MAML3: variants seen among roughly 807,000 people sequenced by gnomAD.
MAML3 encodes mastermind like transcriptional coactivator 3.
MAML3 carries 27 observed loss-of-function variants against 101.9 expected under a neutral mutation model. The ratio of observed to expected loss-of-function variants is 0.27; its 90% CI spans 0.20 to 0.37. MAML3 has a LOEUF of 0.37. Among genes scored for constraint, MAML3 ranks in the 10% least tolerant of loss-of-function variants. The pLI is 1.00. For missense variants in MAML3, 1,316 were observed against 1,444.9 expected (o/e 0.91, Z 1.45); for synonymous variants, 501 against 555.9 (o/e 0.90, Z 1.39).
intron 2 of MAML3, among the ~76,000 whole-genome samples, chr4:139,743,723 T>G (rs1226298979): frequency 1.3e-5 from 2 of 152,170 alleles, no homozygotes; most frequent in Non-Finnish European, 2.9e-5. Flanking sequence ...AGGGGATAAT[T>G]TGTACTGAAG....
chr4:139,890,246 A>G lies in MAML3; in HGVS notation c.1190T>C (p.Val397Ala), dbSNP rs761082748. 3 of 1,613,766 alleles carry G rather than the reference A, an allele frequency of 1.9e-6. No individual in the cohort carries two copies. In the South Asian group the frequency reaches 3.3e-5, roughly 18 times the overall value. The stretch of plus-strand genomic sequence containing the variant: ...GTTTGGAGCTGCGGGAGTGCTGGCA[A>G]CAGAAGGTAAACTAGTGGCCGTGGA... ...TVSTATSLPS[V>A]ASTPAAPNPA... The change falls in exon 2 of 5, where the codon GTT (valine) becomes GCT (alanine). Residue 397 changes from valine (V) to alanine (A), a missense_variant. Coordinates refer to ENST00000509479, the MANE Select transcript of MAML3 (RefSeq NM_018717.5). This position sits in a 1 kb window ranked among gnomAD's most constrained non-coding sequence, Gnocchi z 4.1.
Position 140,082,872 on chromosome 4 carries a change from AG to A in MAML3, c.468+69987del, listed in dbSNP as rs1727883883. On this transcript the variant is annotated intron_variant, in intron 1 of 4. Coordinates refer to ENST00000509479, the MANE Select transcript of MAML3 (RefSeq NM_018717.5). The stretch of plus-strand genomic sequence containing the variant: ...AGTAGCCCTAAATTCAAAAAGAACC[AG>A]GGAAGGTTCTATTTACAAGTGAACT... Among the ~76,000 whole-genome samples the A allele has an allele frequency of 2.6e-5, 4 of 152,224 alleles. No homozygotes were observed. The South Asian group carries it at 8.3e-4, about 32-fold the overall frequency.
chr4:140,134,217 G>A (rs749485073), intron 1 of MAML3: 12 of 456,534 alleles, frequency 2.6e-5, no homozygotes, highest in South Asian at 7.7e-5. Flanking sequence ...TAGGAAGTAC[G>A]GGGAAAGTAA....
chr4:139,966,748 T>G (rs1314536271), intron 1 of MAML3, among the ~76,000 whole-genome samples: 1 of 152,186 alleles, frequency 6.6e-6, no homozygotes, highest in African/African-American at 2.4e-5. Flanking sequence ...ACAAATTTTT[T>G]TTACATCAAC....
intron 1 of MAML3, among the ~76,000 whole-genome samples, chr4:139,911,472 T>C (rs1173654049): frequency 1.3e-5 from 2 of 152,090 alleles, no homozygotes; most frequent in African/African-American, 2.4e-5. Context: ...CCCACTTCGG[T>C]CTCCCAAAGT....
chr4:139,790,928 A>AT (rs1560795286), intron 2 of MAML3, among the ~76,000 whole-genome samples: 1 of 152,174 alleles, frequency 6.6e-6, no homozygotes, highest in Non-Finnish European at 1.5e-5. Flanking sequence ...AAACCTGAAA[A>AT]TTTTTATAGT....
intron 2 of MAML3, among the ~76,000 whole-genome samples, chr4:139,775,811 T>G (rs937955281): frequency 1.8e-4 from 27 of 152,282 alleles, no homozygotes; most frequent in African/African-American, 5.5e-4. Flanking sequence ...TATTTTTCTT[T>G]CTGCTACACT....
chr4:140,071,412 T>C (rs1328596326), intron 1 of MAML3, among the ~76,000 whole-genome samples: 1 of 152,200 alleles, frequency 6.6e-6, no homozygotes, highest in Non-Finnish European at 1.5e-5. Flanking sequence ...CCCAGCTTTT[T>C]AATTTTACAG....
At chr4:140,038,134 G>A (rs994935791) in intron 1 of MAML3, among the ~76,000 whole-genome samples, 4 of 152,238 alleles carry the variant, frequency 2.6e-5, no homozygotes, top group African/African-American at 9.6e-5. Context: ...GAAGAAGAGA[G>A]TCAGAAAGAA....
chr4:139,775,788 T>A (rs982024638), intron 2 of MAML3, among the ~76,000 whole-genome samples: 1 of 152,210 alleles, frequency 6.6e-6, no homozygotes, highest in African/African-American at 2.4e-5. Flanking sequence ...ACGGTGGACA[T>A]CCTTTGCCAT....
intron 2 of MAML3, among the ~76,000 whole-genome samples, chr4:139,848,270 T>G (rs1230785058): frequency 6.6e-6 from 1 of 152,230 alleles, no homozygotes; most frequent in African/African-American, 2.4e-5. Context: ...AATGACAGCA[T>G]CGACGGCTGC....
chr4:140,151,714 C>A (rs957405233), intron 1 of MAML3, among the ~76,000 whole-genome samples: 2 of 149,094 alleles, frequency 1.3e-5, no homozygotes, highest in Non-Finnish European at 3.0e-5. Context: ...ACACACCTTT[C>A]CCAAGCTTCC....
chr4:140,054,960 T>A, intron 1 of MAML3, among the ~76,000 whole-genome samples: 1 of 152,240 alleles, frequency 6.6e-6, no homozygotes, highest in South Asian at 2.1e-4. Context: ...ATTTCTTAAC[T>A]TTTAGAACTG....
At chr4:139,949,220 T>C (rs577496274) in intron 1 of MAML3, among the ~76,000 whole-genome samples, 2 of 152,260 alleles carry the variant, frequency 1.3e-5, no homozygotes, top group South Asian at 4.1e-4. Flanking sequence ...TTTCACCATG[T>C]TGTCCAGGAT....
At chr4:139,827,217 G>A (rs1399302938) in intron 2 of MAML3, among the ~76,000 whole-genome samples, 3 of 152,166 alleles carry the variant, frequency 2.0e-5, no homozygotes, top group East Asian at 3.8e-4. Flanking sequence ...GACACCCAAA[G>A]AGTGACAGAA....
chr4:139,938,859 T>C (rs1733552101), intron 1 of MAML3, among the ~76,000 whole-genome samples: 1 of 152,234 alleles, frequency 6.6e-6, no homozygotes, highest in Non-Finnish European at 1.5e-5. Flanking sequence ...ACAATCACCT[T>C]TGAATATACA....
Position 140,028,986 on chromosome 4 carries a change from T to C in MAML3, c.468+123874A>G, listed in dbSNP as rs72712584. Among the ~76,000 whole-genome samples the C allele has an allele frequency of 1.8e-4, 27 of 152,326 alleles. No homozygotes were observed. In the South Asian group the frequency reaches 2.7e-3, roughly 15 times the overall value. On this transcript the variant is annotated intron_variant, in intron 1 of 4. Coordinates refer to ENST00000509479, the MANE Select transcript of MAML3 (RefSeq NM_018717.5). ...TCACTTTTAGACTGCGTCTGGTTTT[T>C]ACAATGATGTCCAGTCTTCGAGGTG...
At chr4:139,875,230 C>T (rs1357533660) in intron 2 of MAML3, among the ~76,000 whole-genome samples, 1 of 152,154 alleles carries the variant, frequency 6.6e-6, no homozygotes, top group Non-Finnish European at 1.5e-5. Flanking sequence ...AGCTGACTCC[C>T]GACCTCTACA....
chr4:139,951,978 C>T (rs1387937035), intron 1 of MAML3, among the ~76,000 whole-genome samples: 1 of 151,948 alleles, frequency 6.6e-6, no homozygotes, highest in Non-Finnish European at 1.5e-5. Context: ...AGCCTGGCCG[C>T]CATGGTGAAA....
Sources: allele counts gnomAD v4.1 joint callset (sites outside exome capture counted in the v4.1 genomes callset), GRCh38; gene constraint gnomAD v4.1.1; non-coding constraint Gnocchi (gnomAD v3.1); transcripts MANE v1.5; gene names NCBI Gene and HGNC (gene_info 2026-07-23, HGNC 2026-07-21).